RAD54B: variants seen among roughly 807,000 people sequenced by gnomAD.
RAD54B encodes DNA repair and recombination protein RAD54B.
Under a neutral mutation model 95.8 loss-of-function variants are expected in RAD54B, and 78 were observed. The ratio of observed to expected loss-of-function variants is 0.81; its 90% CI spans 0.68 to 0.98. RAD54B has a LOEUF of 0.98. RAD54B is among the 50% of genes least tolerant of loss of function. The pLI, the probability that RAD54B is intolerant of heterozygous loss-of-function variation, is 0.00. For synonymous variants in RAD54B, 328 were observed against 354.9 expected, an observed-to-expected ratio of 0.92 and a Z score of 0.85; for missense variants, 957 against 1,056.6, an observed-to-expected ratio of 0.91 and a Z score of 1.31.
chr8:94,433,432 T>C (rs3136428), intron 3 of RAD54B, among the ~76,000 whole-genome samples: 41 of 152,122 alleles, frequency 2.7e-4, no homozygotes, highest in Non-Finnish European at 5.0e-4. Context: ...TCATTATGTG[T>C]TGAATGACTG....
At chr8:94,468,812 G>T (rs1482764696) in intron 1 of RAD54B, among the ~76,000 whole-genome samples, 1 of 151,926 alleles carries the variant, frequency 6.6e-6, no homozygotes, top group Non-Finnish European at 1.5e-5. Flanking sequence ...TTGGGCGACA[G>T]CGAGACTCTG....
intron 2 of RAD54B, among the ~76,000 whole-genome samples, chr8:94,460,375 G>A (rs988688666): frequency 6.6e-6 from 1 of 152,104 alleles, no homozygotes; most frequent in Non-Finnish European, 1.5e-5. Context: ...GAACACTGAG[G>A]TGGGAGGATG....
chr8:94,372,482 T>C, intron 14 of RAD54B, 95 bp from the exon 15 acceptor site: 1 of 1,510,014 alleles, frequency 6.6e-7, no homozygotes. Flanking sequence ...TTTATGTGAT[T>C]TATTACATTT....
chr8:94,413,565 A>C (rs1395201380), intron 3 of RAD54B, among the ~76,000 whole-genome samples: 1 of 152,206 alleles, frequency 6.6e-6, no homozygotes, highest in Non-Finnish European at 1.5e-5. Context: ...TGAATGATAG[A>C]CCTAAATGTA....
chr8:94,398,804 G>A (rs1811201747), intron 8 of RAD54B, among the ~76,000 whole-genome samples: 1 of 152,054 alleles, frequency 6.6e-6, no homozygotes, highest in Non-Finnish European at 1.5e-5. Context: ...AAAGGTAGAA[G>A]AGGATTCTCG....
chr8:94,440,691 T>G lies in RAD54B; in HGVS notation c.304+17577A>C, dbSNP rs532439461. On this transcript the variant is annotated intron_variant, in intron 3 of 14. Coordinates refer to ENST00000336148, the MANE Select transcript of RAD54B (RefSeq NM_012415.3). Reference sequence around the variant, plus strand: ...CTTGTGTGACCAAATGTGTGGGAGTTTCTCCCCACACACCAAGCAAGAAGT... The same window carrying G: ...CTTGTGTGACCAAATGTGTGGGAGTGTCTCCCCACACACCAAGCAAGAAGT... 2.8e-3 allele frequency among the ~76,000 whole-genome samples: 423 copies of G among 152,174 alleles called. 1 individual carries two copies. The highest frequency in any genetic ancestry group is 3.5e-3 in the Non-Finnish European group (240 of 68,006).
chr8:94,457,224 C>A (rs1271274382), intron 3 of RAD54B, among the ~76,000 whole-genome samples: 2 of 151,934 alleles, frequency 1.3e-5, no homozygotes, highest in Non-Finnish European at 2.9e-5. Flanking sequence ...AGGATGGAAG[C>A]AAGGAAGGAG....
chr8:94,445,577 G>A lies in RAD54B; in HGVS notation c.304+12691C>T, dbSNP rs186817453. Among the ~76,000 whole-genome samples, 12 of 152,252 alleles carry A rather than the reference G, an allele frequency of 7.9e-5. No homozygotes were observed. The East Asian group carries it at 2.3e-3, about 29-fold the overall frequency. On this transcript the variant is annotated intron_variant, in intron 3 of 14. Transcript: ENST00000336148. ...GATTTTTTTATTCACAAGTGTCAAA[G>A]TTGTAAGCAGATAAATACTGAATAA...
chr8:94,419,443 G>A (rs1811750648), intron 3 of RAD54B, among the ~76,000 whole-genome samples: 1 of 152,056 alleles, frequency 6.6e-6, no homozygotes, highest in South Asian at 2.1e-4. Context: ...AGAAGGCGGA[G>A]GTTGCAGTGA....
chr8:94,374,096 A>G (rs755687274), intron 14 of RAD54B, among the ~76,000 whole-genome samples: 9 of 152,226 alleles, frequency 5.9e-5, no homozygotes, highest in Admixed American at 1.3e-4. Flanking sequence ...TGGCTAACAC[A>G]GTGTAACCCC....
chr8:94,373,573 C>A (rs1440168373), intron 14 of RAD54B, among the ~76,000 whole-genome samples: 2 of 152,216 alleles, frequency 1.3e-5, no homozygotes, highest in Non-Finnish European at 2.9e-5. Context: ...AGTGAAAGAA[C>A]CCTGGATCAC....
intron 3 of RAD54B, chr8:94,432,471 A>G: frequency 1.3e-6 from 2 of 1,550,496 alleles, no homozygotes; most frequent in Non-Finnish European, 1.7e-6. Flanking sequence ...TCTTTCCATA[A>G]CATGTACTAA....
chr8:94,376,769 TA>T (rs1474162425), intron 14 of RAD54B, among the ~76,000 whole-genome samples: 22 of 148,912 alleles, frequency 1.5e-4, no homozygotes, highest in African/African-American at 5.4e-4. Context: ...ATATAACTAA[TA>T]AATATAATCA....
At chr8:94,375,492 C>T (rs998279914) in intron 14 of RAD54B, among the ~76,000 whole-genome samples, 3 of 152,210 alleles carry the variant, frequency 2.0e-5, no homozygotes, top group Admixed American at 6.5e-5. Context: ...ATCTGATTTG[C>T]TCCTCCTTGC....
intron 4 of RAD54B, among the ~76,000 whole-genome samples, chr8:94,410,645 C>G (rs1435187336): frequency 6.6e-6 from 1 of 152,104 alleles, no homozygotes; most frequent in African/African-American, 2.4e-5. Context: ...CAATGGCAAC[C>G]TCCAATTTCC....
intron 3 of RAD54B, among the ~76,000 whole-genome samples, chr8:94,438,951 G>A (rs1812334284): frequency 6.6e-6 from 1 of 152,178 alleles, no homozygotes; most frequent in South Asian, 2.1e-4. Context: ...AATTAGCCAG[G>A]TGTGGTGGCA....
intron 12 of RAD54B, 79 bp downstream of exon 12, chr8:94,380,066 A>T: frequency 7.0e-7 from 1 of 1,431,612 alleles, no homozygotes; most frequent in Non-Finnish European, 9.4e-7. Context: ...ATTATATATC[A>T]TCATTATCTT....
chr8:94,380,413 ATC>A lies in RAD54B; in HGVS notation c.1986-9_1986-8del. ...GTTGGATACCAACACCACCCTGTCA[ATC>A]AAAAAGAAAGATTCTTTAGATAAAT... On this transcript the variant is annotated splice_region_variant and splice_polypyrimidine_tract_variant and intron_variant, in intron 11 of 14. Coordinates refer to ENST00000336148, the MANE Select transcript of RAD54B (RefSeq NM_012415.3). 1 of 1,570,202 alleles carries A rather than the reference ATC, an allele frequency of 6.4e-7. No individual in the cohort carries two copies. The highest frequency in any genetic ancestry group is 1.9e-5 in the Admixed American group (1 of 51,524).
intron 3 of RAD54B, among the ~76,000 whole-genome samples, chr8:94,433,394 G>A (rs1485875806): frequency 6.6e-6 from 1 of 151,948 alleles, no homozygotes; most frequent in Non-Finnish European, 1.5e-5. Context: ...GTACCTAGCA[G>A]GTACTGTACT....
Sources: gnomAD v4.1 joint callset for allele counts (sites outside exome capture counted in the v4.1 genomes callset) on GRCh38, gnomAD v4.1.1 for gene constraint, MANE v1.5 for transcripts, NCBI Gene and HGNC (gene_info 2026-07-23, HGNC 2026-07-21) for gene names.